The following ATP13A1 variants were observed in gnomAD, a reference collection of about 807,000 sequenced individuals.
ATP13A1 encodes endoplasmic reticulum transmembrane helix translocase.
In ATP13A1, 55 loss-of-function variants were observed where a neutral mutation model predicts 134.8. The observed-to-expected ratio is 0.41, with a 90% CI of 0.33 to 0.51. The LOEUF (loss-of-function observed/expected upper bound fraction) is 0.51, where lower values mean the gene tolerates loss of function less well. Among genes scored for constraint, ATP13A1 ranks in the 20% least tolerant of loss-of-function variants. The pLI is 0.29. For missense variants in ATP13A1, 1,389 were observed against 1,652.8 expected (o/e 0.84, Z 2.77); for synonymous variants, 775 against 725.1 (o/e 1.07, Z -1.10).
At position 19,657,394 on chromosome 19, in the gene ATP13A1, A is replaced by G; in HGVS notation, c.692T>C (p.Val231Ala). Residue 231 changes from valine to alanine, a missense_variant, in exon 4 of 26, where the codon GTG (valine) becomes GCG (alanine). Physicochemically the swap from Val to Ala is moderately conservative, Grantham distance 64 (BLOSUM62 0). Coordinates refer to ENST00000357324, the MANE Select transcript of ATP13A1 (RefSeq NM_020410.3). ...CTTGAAAAGCTCCGAGAAGTCAGGC[A>G]CCACCATCTCGGCCCTGCAAGAGAC... ...KFGSNKAEMV[V>A]PDFSELFKER... The G allele has an allele frequency of 6.4e-7, 1 of 1,570,678 alleles. No individual in the cohort carries two copies. Among genetic ancestry groups the G allele is most frequent in the African/African-American group, 1.4e-5 (1 of 73,924 alleles).
chr19:19,645,608 C>G lies in ATP13A1; in HGVS notation c.3504+39G>C. 1 of 1,560,370 alleles carries G rather than the reference C, an allele frequency of 6.4e-7. No homozygotes were observed. Among genetic ancestry groups the G allele is most frequent in the Non-Finnish European group, 8.7e-7 (1 of 1,152,260 alleles). Reference sequence around the variant, plus strand: ...GGTCACTGCCATAGGAGGGACCCATCAAGCTGAGCCCCAGGGTCACCTCCA... The same window carrying G: ...GGTCACTGCCATAGGAGGGACCCATGAAGCTGAGCCCCAGGGTCACCTCCA... On this transcript the variant is annotated intron_variant, in intron 25 of 25. Transcript: ENST00000357324. The surrounding 1 kb of genome is among the most constrained non-coding windows in gnomAD (Gnocchi z 4.1).
Position 19,651,805 on chromosome 19 carries a change from A to G in ATP13A1, c.2227-8T>C. The G allele has an allele frequency of 6.2e-7, 1 of 1,608,050 alleles. No individual in the cohort carries two copies. The stretch of plus-strand genomic sequence containing the variant: ...TCCCGTGATCATGACCACCTTGGGT[A>G]AAGAGGGGCAGAGGCTCAGCATGGC... On this transcript the variant is annotated splice_region_variant and splice_polypyrimidine_tract_variant and intron_variant, in intron 16 of 25. Transcript: ENST00000357324.
chr19:19,649,584 A>C lies in ATP13A1; in HGVS notation c.2615T>G (p.Leu872Arg). 1 of 1,613,666 alleles carries C rather than the reference A, an allele frequency of 6.2e-7. No individual in the cohort carries two copies. Among genetic ancestry groups the C allele is most frequent in the Non-Finnish European group, 8.5e-7 (1 of 1,179,742 alleles). Residue 872 changes from leucine to arginine, a missense_variant, in exon 19 of 26, where the codon CTG becomes CGG. By Grantham distance (102) the Leu-to-Arg change is moderately radical (BLOSUM62 -2). This residue lies in a region of ATP13A1 where 747 missense variants were observed against 956.1 expected (regional missense o/e 0.78). Transcript: ENST00000357324. ...CGDGTNDVGA[L>R]KHADVGVALL... is the part of the protein sequence containing the mutation. ...GCACTCACCCACGTCAGCATGCTTC[A>C]GGGCGCCCACGTCGTTGGTGCCATC...
In ATP13A1 at chr19:19,655,269, G is replaced by C. The variant is rs1316668029; in HGVS notation, c.1535-30C>G. ...GGGCGGGAGTGAGGTCAGGGGTCCT[G>C]CTTGGCCCCAGCCCACTCGGCACCC... On this transcript the variant is annotated intron_variant, in intron 11 of 25. Transcript: ENST00000357324. The surrounding 1 kb of genome is among the most constrained non-coding windows in gnomAD (Gnocchi z 5.7). 3.7e-6 allele frequency: 6 copies of C among 1,613,934 alleles called. No homozygotes were observed. Among genetic ancestry groups the C allele is most frequent in the Non-Finnish European group, 5.1e-6 (6 of 1,179,868 alleles).
chr19:19,647,596 C>T lies in ATP13A1; in HGVS notation c.2793+3G>A, dbSNP rs753205252. 6.2e-7 allele frequency: 1 copy of T among 1,613,446 alleles called. No individual in the cohort carries two copies. Among genetic ancestry groups the T allele is most frequent in the Non-Finnish European group, 8.5e-7 (1 of 1,179,730 alleles). On this transcript the variant is annotated splice_donor_region_variant and intron_variant, in intron 20 of 25. Transcript: ENST00000357324. The surrounding 1 kb of genome is among the most constrained non-coding windows in gnomAD (Gnocchi z 4.8). ...GTGCAGCACCTCCCCTCTTGGGACT[C>T]ACCCTCTGGGAGGTTGGCTGCTCCT...
rs1222011505 is a variant in ATP13A1, at chr19:19,656,024, G to C, written c.1213+30C>G. The C allele has an allele frequency of 6.2e-7, 1 of 1,613,126 alleles. No individual in the cohort carries two copies. On this transcript the variant is annotated intron_variant, in intron 8 of 25. Coordinates refer to ENST00000357324, the MANE Select transcript of ATP13A1 (RefSeq NM_020410.3). The surrounding 1 kb of genome is among the most constrained non-coding windows in gnomAD (Gnocchi z 4.6). Reference sequence around the variant, plus strand: ...GACGGGCAAAGGGGGTGGAAGCCCAGATACCCCCAGACGCCCATGAGGCAC... The same window carrying C: ...GACGGGCAAAGGGGGTGGAAGCCCACATACCCCCAGACGCCCATGAGGCAC...
Position 19,663,670 on chromosome 19 carries a change from T to A in ATP13A1, c.-4A>T. ...CCACCGCCGCCGCTGCCGCCATCTT[T>A]CCTAGCGCCGCGCTCACTTCCGGGC... is the stretch of plus-strand genomic sequence containing the variant. On this transcript the variant is annotated 5_prime_UTR_variant, in exon 1 of 26. Coordinates refer to ENST00000357324, the MANE Select transcript of ATP13A1 (RefSeq NM_020410.3). The A allele has an allele frequency of 7.8e-7, 1 of 1,280,300 alleles. No individual in the cohort carries two copies. The highest frequency in any genetic ancestry group is 2.5e-5 in the South Asian group (1 of 39,238). 79.3% of individuals were successfully genotyped at this position (1,280,300 alleles called of 1,614,324 possible).
intron 13 of ATP13A1, 130 bp downstream of exon 13, chr19:19,654,413 C>G (rs1452574304): frequency 3.2e-6 from 4 of 1,237,444 alleles, no homozygotes; most frequent in Non-Finnish European, 4.4e-6. Flanking sequence ...CCTCTGGCCA[C>G]CCACCTCGGG....
Position 19,655,100 on chromosome 19 carries a change from CA to C in ATP13A1, c.1655+18del. On this transcript the variant is annotated intron_variant, in intron 12 of 25. Coordinates refer to ENST00000357324, the MANE Select transcript of ATP13A1 (RefSeq NM_020410.3). This position sits in a 1 kb window ranked among gnomAD's most constrained non-coding sequence, Gnocchi z 5.7. ...AACCCCATCTGGGTGACCTTTGCTG[CA>C]GGGCCCCTGATGCTTACCTCAGCCC... is the stretch of plus-strand genomic sequence containing the variant. 6.2e-7 allele frequency: 1 copy of C among 1,613,092 alleles called. No homozygotes were observed. Among genetic ancestry groups the C allele is most frequent in the Non-Finnish European group, 8.5e-7 (1 of 1,179,678 alleles).
At chr19:19,661,818 C>T (rs1177125444) in intron 1 of ATP13A1, among the ~76,000 whole-genome samples, 2 of 152,168 alleles carry the variant, frequency 1.3e-5, no homozygotes, top group South Asian at 2.1e-4. Context: ...CGCCACCGCA[C>T]GGGTGGTTCA....
chr19:19,645,761 CT>C lies in ATP13A1; in HGVS notation c.3389del (p.Glu1130GlyfsTer71). ...CCAGACTCCACACCAGGGGCTTGTT[CT>C]CGGGCAGGCTCTCCATGAAGGGCGG... ...KGPPFMESLP[E>X]NKPLVWSLAV... On this transcript the variant is annotated frameshift_variant, in exon 25 of 26. Transcript: ENST00000357324. LOFTEE classifies it high-confidence loss of function. This position sits in a 1 kb window ranked among gnomAD's most constrained non-coding sequence, Gnocchi z 4.1. 6.4e-7 allele frequency: 1 copy of C among 1,572,332 alleles called. No homozygotes were observed. The highest frequency in any genetic ancestry group is 8.6e-7 in the Non-Finnish European group (1 of 1,156,086).
Position 19,652,843 on chromosome 19 carries a change from G to C in ATP13A1, c.2101-123C>G. On this transcript the variant is annotated intron_variant, in intron 15 of 25. Transcript: ENST00000357324. ...ATGGAAGGCCCTGTTCCCGTAGTGG[G>C]CACATGCGAGGGTTGGGAGGGGAGA... is the stretch of plus-strand genomic sequence containing the variant. The C allele has an allele frequency of 5.2e-6, 7 of 1,339,476 alleles. No individual in the cohort carries two copies. In the South Asian group the frequency reaches 8.9e-5, roughly 17 times the overall value. The allele number at this position is 1,339,476 out of a possible 1,614,324, so 83.0% of individuals were successfully genotyped here.
At chr19:19,650,160 TGA>T (rs2062015050) in intron 17 of ATP13A1, 2 of 592,140 alleles carry the variant, frequency 3.4e-6, no homozygotes, top group Non-Finnish European at 6.0e-6. Context: ...GCTACTTGCC[TGA>T]GAGCCCGGGA....
At chr19:19,648,328 A>G (rs893988676) in intron 19 of ATP13A1, among the ~76,000 whole-genome samples, 10 of 152,034 alleles carry the variant, frequency 6.6e-5, no homozygotes, top group Admixed American at 6.6e-4. Flanking sequence ...AAATAAAACA[A>G]AACAAAACAA....
chr19:19,654,436 T>A, intron 13 of ATP13A1, 107 bp downstream of exon 13: 2 of 1,366,786 alleles, frequency 1.5e-6, no homozygotes, highest in Admixed American at 5.1e-5. Flanking sequence ...GCATCAGAGC[T>A]GTAGGCCTGC....
rs1283308294 is a variant in ATP13A1 at position 19,663,516 on chromosome 19, C to A, written c.151G>T (p.Ala51Ser). The A allele has an allele frequency of 3.9e-6, 6 of 1,533,128 alleles. No individual in the cohort carries two copies. The African/African-American group carries it at 5.5e-5, about 14-fold the overall frequency. 95.0% of individuals were successfully genotyped at this position (1,533,128 alleles called of 1,614,324 possible). Residue 51 changes from alanine (A) to serine (S), a missense_variant, in exon 1 of 26, where the codon GCT becomes TCT. Ala to Ser is a moderately conservative substitution (Grantham distance 99). Coordinates refer to ENST00000357324, the MANE Select transcript of ATP13A1 (RefSeq NM_020410.3). ...ALIANGDELV[A>S]AVWPYRRLAL... The stretch of plus-strand genomic sequence containing the variant: ...AACCGCCGGTACGGCCACACGGCAG[C>A]CACCAGCTCGTCACCGTTCGCTATG...
At chr19:19,648,130 C>A (rs1474042203) in intron 19 of ATP13A1, among the ~76,000 whole-genome samples, 1 of 151,924 alleles carries the variant, frequency 6.6e-6, no homozygotes, top group Non-Finnish European at 1.5e-5. Context: ...ACCAGCCTGG[C>A]TGATACGGCG....
Position 19,658,149 on chromosome 19 carries a change from CAAAAAAAAAAAAA to C in ATP13A1, c.678-754_678-742del, listed in dbSNP as rs61328844. On this transcript the variant is annotated intron_variant, in intron 3 of 25. Coordinates refer to ENST00000357324, the MANE Select transcript of ATP13A1 (RefSeq NM_020410.3). ...GGGTAACAGAGTAAGACCCTGTCTC[CAAAAAAAAAAAAA>C]AAAAAAAAAAAGGCTCGAGAATGCA... 6.0e-5 allele frequency among the ~76,000 whole-genome samples: 4 copies of C among 66,300 alleles called. No individual in the cohort carries two copies. The South Asian group carries it at 1.8e-3, about 31-fold the overall frequency. 43.5% of individuals were successfully genotyped at this position (66,300 alleles called of 152,430 possible).
chr19:19,659,215 G>T (rs924845726), intron 3 of ATP13A1, among the ~76,000 whole-genome samples: 1 of 152,212 alleles, frequency 6.6e-6, no homozygotes, highest in African/African-American at 2.4e-5. Flanking sequence ...AGCACTTTGG[G>T]AGGCCAACAT....
Sources: allele counts gnomAD v4.1 joint callset (sites outside exome capture counted in the v4.1 genomes callset), GRCh38; gene constraint gnomAD v4.1.1; regional missense constraint gnomAD v4.1.1; non-coding constraint Gnocchi (gnomAD v3.1); transcripts MANE v1.5; gene names NCBI Gene and HGNC (gene_info 2026-07-23, HGNC 2026-07-21).